The following OSBPL1A variants were observed in gnomAD, a reference collection of about 807,000 sequenced individuals.
The protein encoded by OSBPL1A is oxysterol binding protein like 1A.
A neutral mutation model predicts 137.1 loss-of-function variants in OSBPL1A; 80 were observed. That is an observed-to-expected ratio of 0.58 (90% CI 0.49 to 0.70). OSBPL1A has a LOEUF of 0.70. Ranked by LOEUF, OSBPL1A falls within the 30% of genes least tolerant of loss-of-function variation. The probability of loss-of-function intolerance (pLI) is 0.00; values close to 1 mark genes in which losing one functional copy is unlikely to be tolerated. For synonymous variants in OSBPL1A, 365 were observed against 389.7 expected (o/e 0.94, Z 0.75); for missense variants, 970 against 1,129.4 (o/e 0.86, Z 2.02).
chr18:24,289,581 G>A (rs575068631), intron 14 of OSBPL1A, among the ~76,000 whole-genome samples: 26 of 151,934 alleles, frequency 1.7e-4, no homozygotes, highest in Admixed American at 1.4e-3. Context: ...CACAACATTC[G>A]GCTAATTTTT....
rs72886770 is a variant in OSBPL1A, at chr18:24,362,020, G to C, written c.282+4872C>G. ...TCAAAAAAAAAAAAAAAAAAAAAAA[G>C]ACATAGACAAAAATAACACTAATAC... On this transcript the variant is annotated intron_variant, in intron 4 of 27. Transcript: ENST00000319481. Among the ~76,000 whole-genome samples, 108 of 81,884 alleles carry C rather than the reference G, an allele frequency of 1.3e-3. No individual in the cohort carries two copies. The East Asian group carries it at 0.024, about 19-fold the overall frequency. 53.7% of individuals were successfully genotyped at this position (81,884 alleles called of 152,430 possible).
intron 15 of OSBPL1A, among the ~76,000 whole-genome samples, 167 bp downstream of exon 15, chr18:24,280,675 C>T (rs1599607978): frequency 6.6e-6 from 1 of 152,180 alleles, no homozygotes; most frequent in Non-Finnish European, 1.5e-5. Context: ...TTTCATCCTG[C>T]TTAATCAATA....
chr18:24,238,399 A>G (rs78382483), intron 16 of OSBPL1A, among the ~76,000 whole-genome samples: 1,956 of 152,290 alleles, frequency 0.013, 23 homozygotes, highest in Non-Finnish European at 0.017. Context: ...ACCTGCCTCA[A>G]AAAATTTGAA....
At chr18:24,320,547 C>T (rs904826096) in intron 7 of OSBPL1A, among the ~76,000 whole-genome samples, 1 of 152,072 alleles carries the variant, frequency 6.6e-6, no homozygotes, top group Non-Finnish European at 1.5e-5. Context: ...AACAATTCAG[C>T]AGGCAAGAGA....
chr18:24,375,555 A>G (rs1310490159), intron 2 of OSBPL1A, among the ~76,000 whole-genome samples: 1 of 151,978 alleles, frequency 6.6e-6, no homozygotes, highest in Non-Finnish European at 1.5e-5. Flanking sequence ...TTTCTTCTCT[A>G]TCGTCACCTG....
chr18:24,355,474 G>A (rs375999879), intron 4 of OSBPL1A, among the ~76,000 whole-genome samples: 26 of 151,678 alleles, frequency 1.7e-4, no homozygotes, highest in South Asian at 8.4e-4. Flanking sequence ...GCACTCCAGC[G>A]CGGGCAACAG....
At chr18:24,262,430 C>G (rs1273320154) in intron 15 of OSBPL1A, among the ~76,000 whole-genome samples, 1 of 151,506 alleles carries the variant, frequency 6.6e-6, no homozygotes, top group Non-Finnish European at 1.5e-5. Context: ...GGTAAATAAT[C>G]ATTTTTAAAA....
intron 15 of OSBPL1A, among the ~76,000 whole-genome samples, chr18:24,251,938 A>C (rs1446706368): frequency 2.0e-5 from 3 of 152,200 alleles, no homozygotes; most frequent in African/African-American, 7.2e-5. Flanking sequence ...ACATACTGAG[A>C]AATGCATCAG....
In OSBPL1A at chr18:24,296,798, A is replaced by G. The variant is rs1055376994; in HGVS notation, c.1174+6839T>C. On this transcript the variant is annotated intron_variant, in intron 14 of 27. Coordinates refer to ENST00000319481, the MANE Select transcript of OSBPL1A (RefSeq NM_080597.4). ...TACTTTTAATTGTTTGTGATATATCATATTTATTGACTTGCATATATTAAA... is the reference window on the plus strand; with the variant it reads ...TACTTTTAATTGTTTGTGATATATCGTATTTATTGACTTGCATATATTAAA... Among the ~76,000 whole-genome samples, 5 of 152,280 alleles carry G rather than the reference A, an allele frequency of 3.3e-5. No homozygotes were observed. The South Asian group carries it at 1.0e-3, about 32-fold the overall frequency.
intron 17 of OSBPL1A, among the ~76,000 whole-genome samples, chr18:24,204,385 T>C (rs1053457227): frequency 6.6e-6 from 1 of 152,190 alleles, no homozygotes; most frequent in Non-Finnish European, 1.5e-5. Flanking sequence ...TTTTTTGTTA[T>C]TTAGTAAGAA....
chr18:24,227,921 G>A (rs1172546751), intron 16 of OSBPL1A, among the ~76,000 whole-genome samples: 1 of 152,160 alleles, frequency 6.6e-6, no homozygotes, highest in Non-Finnish European at 1.5e-5. Flanking sequence ...TTTATGCACA[G>A]GATTGTGTGT....
At chr18:24,335,200 T>G (rs1476189166) in intron 5 of OSBPL1A, among the ~76,000 whole-genome samples, 1 of 152,212 alleles carries the variant, frequency 6.6e-6, no homozygotes, top group Non-Finnish European at 1.5e-5. Context: ...TTTATATCTT[T>G]AAAAATACTT....
chr18:24,256,453 TA>T (rs1165039016), intron 15 of OSBPL1A, among the ~76,000 whole-genome samples: 1 of 151,984 alleles, frequency 6.6e-6, no homozygotes, highest in Non-Finnish European at 1.5e-5. Context: ...AAAAAACTGG[TA>T]TAAAAGGAAC....
chr18:24,311,596 G>T, intron 13 of OSBPL1A: 1 of 649,646 alleles, frequency 1.5e-6, no homozygotes, highest in Non-Finnish European at 1.9e-6. Context: ...ACCAGGAAAG[G>T]TATCACTATG....
chr18:24,350,613 TA>T (rs2091422279), intron 4 of OSBPL1A, among the ~76,000 whole-genome samples: 1 of 152,148 alleles, frequency 6.6e-6, no homozygotes, highest in African/African-American at 2.4e-5. Context: ...TTTTAATTTA[TA>T]TACTTCCAGT....
intron 17 of OSBPL1A, among the ~76,000 whole-genome samples, chr18:24,223,014 C>T (rs2087941587): frequency 6.6e-6 from 1 of 151,980 alleles, no homozygotes; most frequent in Non-Finnish European, 1.5e-5. Context: ...ACAATTTTCA[C>T]ATGAATTTTA....
chr18:24,218,593 A>G (rs2087783454), intron 17 of OSBPL1A, among the ~76,000 whole-genome samples: 1 of 152,040 alleles, frequency 6.6e-6, no homozygotes, highest in Non-Finnish European at 1.5e-5. Context: ...ACAGGCATGC[A>G]CTACTGCGCC....
At chr18:24,350,053 G>A (rs7244110) in intron 4 of OSBPL1A, among the ~76,000 whole-genome samples, 5 of 152,046 alleles carry the variant, frequency 3.3e-5, no homozygotes, top group African/African-American at 4.8e-5. Flanking sequence ...ATCTGACCCC[G>A]AACATTTTTT....
intron 4 of OSBPL1A, among the ~76,000 whole-genome samples, chr18:24,356,623 G>A (rs2091540495): frequency 6.6e-6 from 1 of 152,158 alleles, no homozygotes; most frequent in South Asian, 2.1e-4. Context: ...ACACTTAGTT[G>A]TTGGTACAAC....
Sources: allele counts gnomAD v4.1 joint callset (sites outside exome capture counted in the v4.1 genomes callset), GRCh38; gene constraint gnomAD v4.1.1; transcripts MANE v1.5; gene names NCBI Gene and HGNC (gene_info 2026-07-23, HGNC 2026-07-21).